SUCLG2: variants seen among roughly 807,000 people sequenced by gnomAD.
The protein encoded by SUCLG2 is succinate--CoA ligase [GDP-forming] subunit beta, mitochondrial.
SUCLG2 carries 42 observed loss-of-function variants against 47.9 expected under a neutral mutation model. The observed-to-expected ratio is 0.88, with a 90% CI of 0.69 to 1.14. The LOEUF (loss-of-function observed/expected upper bound fraction) is 1.14. Ranked by LOEUF, SUCLG2 falls within the 50% of genes most tolerant of loss-of-function variation. The pLI is 0.00. For synonymous variants in SUCLG2, 195 were observed against 197.3 expected, an observed-to-expected ratio of 0.99 and a Z score of 0.10; for missense variants, 571 against 525.9, an observed-to-expected ratio of 1.09 and a Z score of -0.84.
intron 7 of SUCLG2, among the ~76,000 whole-genome samples, chr3:67,506,359 A>G (rs1559551377): frequency 6.6e-6 from 1 of 152,202 alleles, no homozygotes; most frequent in Non-Finnish European, 1.5e-5. Context: ...TTATAATTCA[A>G]TTGCTGAACT....
chr3:67,520,590 C>T lies in SUCLG2; in HGVS notation c.462G>A (p.Leu154=), dbSNP rs1706073932. Residue 154 remains leucine, a synonymous_variant, in exon 5 of 11, where the codon CTG becomes CTA. Transcript: ENST00000307227. ...EALDISRETY[L]AILMDRSCNG... ...TGCAGGACCGGTCCATCAGAATTGC[C>T]AGGTAGGTTTCTCTGGAAATATCCA... 7.4e-6 allele frequency: 12 copies of T among 1,613,928 alleles called. No individual in the cohort carries two copies. Among genetic ancestry groups the T allele is most frequent in the Non-Finnish European group, 1.0e-5 (12 of 1,179,924 alleles).
chr3:67,622,096 C>T (rs75636814), intron 1 of SUCLG2, among the ~76,000 whole-genome samples: 6,125 of 152,184 alleles, frequency 0.04, 144 homozygotes, highest in Middle Eastern at 0.071. Context: ...TACAGAGATG[C>T]TACATAGAAA....
rs547540118 is a variant in SUCLG2, at chr3:67,470,392, A to G, written c.1062+25406T>C. On this transcript the variant is annotated intron_variant, in intron 9 of 10. Coordinates refer to ENST00000307227, the MANE Select transcript of SUCLG2 (RefSeq NM_003848.4). ...TCTGTAACTGCATTTTCTTATTTAC[A>G]TGCTTTTCTCTACAATGATGCAATG... Among the ~76,000 whole-genome samples the G allele has an allele frequency of 4.6e-5, 7 of 152,294 alleles. No homozygotes were observed. In the South Asian group the frequency reaches 1.4e-3, roughly 32 times the overall value.
At chr3:67,515,190 CTGT>C (rs1158414926) in intron 6 of SUCLG2, among the ~76,000 whole-genome samples, 5 of 152,132 alleles carry the variant, frequency 3.3e-5, no homozygotes, top group African/African-American at 7.2e-5. Context: ...CTATTTCATA[CTGT>C]TGTTAATATC....
chr3:67,496,777 T>C (rs1317692500), intron 8 of SUCLG2, among the ~76,000 whole-genome samples: 1 of 151,938 alleles, frequency 6.6e-6, no homozygotes, highest in Non-Finnish European at 1.5e-5. Context: ...CTTAATTATA[T>C]AAAATTACTT....
chr3:67,610,110 C>T (rs1049640858), intron 1 of SUCLG2, among the ~76,000 whole-genome samples: 1 of 152,148 alleles, frequency 6.6e-6, no homozygotes, highest in African/African-American at 2.4e-5. Flanking sequence ...TGTATATAGA[C>T]TGTTAATCAT....
intron 2 of SUCLG2, among the ~76,000 whole-genome samples, chr3:67,546,297 T>C (rs1341184587): frequency 2.0e-5 from 3 of 152,196 alleles, no homozygotes; most frequent in Non-Finnish European, 4.4e-5. Flanking sequence ...CTGGTAAAAC[T>C]GAAATAAAAT....
At chr3:67,430,882 C>A (rs1349606316) in intron 9 of SUCLG2, among the ~76,000 whole-genome samples, 1 of 152,152 alleles carries the variant, frequency 6.6e-6, no homozygotes, top group East Asian at 1.9e-4. Flanking sequence ...GACACATACA[C>A]CCTCCCAAGA....
intron 9 of SUCLG2, among the ~76,000 whole-genome samples, chr3:67,443,091 T>A (rs942285925): frequency 2.6e-5 from 4 of 152,152 alleles, no homozygotes; most frequent in African/African-American, 9.7e-5. Context: ...ACTACTTACA[T>A]AGCAAGTACA....
At chr3:67,477,218 T>C (rs1704786103) in intron 9 of SUCLG2, among the ~76,000 whole-genome samples, 1 of 152,168 alleles carries the variant, frequency 6.6e-6, no homozygotes, top group Non-Finnish European at 1.5e-5. Flanking sequence ...GTTGATTTAA[T>C]TGCTCTGGAG....
At chr3:67,611,276 T>G (rs1700522399) in intron 1 of SUCLG2, among the ~76,000 whole-genome samples, 1 of 152,218 alleles carries the variant, frequency 6.6e-6, no homozygotes. Context: ...TTGCCTATAC[T>G]TCTTCTTTAG....
chr3:67,653,450 G>T (rs959877820), intron 1 of SUCLG2, among the ~76,000 whole-genome samples: 2 of 152,146 alleles, frequency 1.3e-5, no homozygotes, highest in Non-Finnish European at 2.9e-5. Context: ...TGAAAGGAGA[G>T]GGGTAAAAAT....
chr3:67,607,280 T>C (rs1700435695), intron 2 of SUCLG2, among the ~76,000 whole-genome samples: 1 of 152,164 alleles, frequency 6.6e-6, no homozygotes, highest in South Asian at 2.1e-4. Context: ...GCTGGAAGTG[T>C]AGCATTCCAA....
intron 9 of SUCLG2, among the ~76,000 whole-genome samples, chr3:67,423,013 C>T (rs780268612): frequency 1.1e-4 from 17 of 152,060 alleles, no homozygotes. Context: ...GACCAGGCTG[C>T]CAGGGTTGAT....
intron 10 of SUCLG2, among the ~76,000 whole-genome samples, chr3:67,391,467 A>T (rs1447945245): frequency 6.6e-6 from 1 of 152,166 alleles, no homozygotes; most frequent in Non-Finnish European, 1.5e-5. Context: ...TAAAGAGTTT[A>T]GAGGCAGCCA....
intron 9 of SUCLG2, among the ~76,000 whole-genome samples, chr3:67,456,389 C>T (rs1161569697): frequency 6.6e-6 from 1 of 152,176 alleles, no homozygotes; most frequent in Non-Finnish European, 1.5e-5. Flanking sequence ...ATCAATGCTC[C>T]TCAAATGTAA....
intron 10 of SUCLG2, among the ~76,000 whole-genome samples, chr3:67,369,682 T>C (rs1701926146): frequency 6.6e-6 from 1 of 152,206 alleles, no homozygotes; most frequent in African/African-American, 2.4e-5. Flanking sequence ...TCTACCTAGT[T>C]GGAGGCGTAT....
downstream of SUCLG2, among the ~76,000 whole-genome samples, chr3:67,370,473 A>C (rs1295802114): frequency 6.6e-6 from 1 of 152,196 alleles, no homozygotes; most frequent in Non-Finnish European, 1.5e-5. Flanking sequence ...TATCCATGAG[A>C]TCATATACAT....
rs1705669631 is a variant in SUCLG2 at position 67,507,523 on chromosome 3, A to G, written c.757+1284T>C. Among the ~76,000 whole-genome samples, 6 of 150,658 alleles carry G rather than the reference A, an allele frequency of 4.0e-5. No individual in the cohort carries two copies. The South Asian group carries it at 1.2e-3, about 31-fold the overall frequency. On this transcript the variant is annotated intron_variant, in intron 7 of 10. Coordinates refer to ENST00000307227, the MANE Select transcript of SUCLG2 (RefSeq NM_003848.4). ...TCATTTCTACCACTTATTTGATTGA[A>G]AAGATTGAAAAAAAAAAAAAAGACC...
Sources: allele counts gnomAD v4.1 joint callset (sites outside exome capture counted in the v4.1 genomes callset), GRCh38; gene constraint gnomAD v4.1.1; transcripts MANE v1.5; gene names NCBI Gene and HGNC (gene_info 2026-07-23, HGNC 2026-07-21).